Variants in APBA1 observed in about 807,000 individuals in gnomAD.
The protein encoded by APBA1 is amyloid-beta A4 precursor protein-binding family A member 1.
A neutral mutation model predicts 86.6 loss-of-function variants in APBA1; 55 were observed. The observed-to-expected ratio is 0.64, with a 90% CI of 0.51 to 0.80. The LOEUF is 0.80. Ranked by LOEUF, APBA1 falls within the 30% of genes least tolerant of loss-of-function variation. The pLI, the probability that APBA1 is intolerant of heterozygous loss-of-function variation, is 0.00. For missense variants in APBA1, 1,090 were observed against 1,183.0 expected, an observed-to-expected ratio of 0.92 and a Z score of 1.15; for synonymous variants, 511 against 493.9, an observed-to-expected ratio of 1.03 and a Z score of -0.46.
rs1287488708 is a variant in APBA1, at chr9:69,441,035, G to T, written c.2262C>A (p.Asp754Glu). 6.8e-6 allele frequency: 11 copies of T among 1,614,144 alleles called. No homozygotes were observed. The highest frequency in any genetic ancestry group is 9.3e-6 in the Non-Finnish European group (11 of 1,180,030). The change falls in exon 11 of 13, where the codon GAC (aspartate) becomes GAA (glutamate). Residue 754 changes from aspartate (D) to glutamate (E), a missense_variant. Transcript: ENST00000265381. ...PVTTVLIRRP[D>E]LRYQLGFSVQ... The stretch of plus-strand genomic sequence containing the variant: ...CGCTGAAACCGAGCTGGTAGCGAAG[G>T]TCTGGTCTTCTGATTAACACGGTGG...
intron 1 of APBA1, among the ~76,000 whole-genome samples, chr9:69,617,947 C>T (rs1822735094): frequency 1.4e-5 from 2 of 140,100 alleles, no homozygotes; most frequent in Middle Eastern, 7.3e-3. Flanking sequence ...GCTTCATCAT[C>T]AAGCTTAAAC....
intron 1 of APBA1, among the ~76,000 whole-genome samples, chr9:69,540,893 C>G (rs1836598296): frequency 6.6e-6 from 1 of 152,192 alleles, no homozygotes; most frequent in South Asian, 2.1e-4. Context: ...GCATGAGCCA[C>G]CACGCTCAGC....
Position 69,442,055 on chromosome 9 carries a change from C to T in APBA1, c.2182-940G>A, listed in dbSNP as rs140176651. Among the ~76,000 whole-genome samples, 114 of 152,340 alleles carry T rather than the reference C, an allele frequency of 7.5e-4. 2 individuals are homozygous for T. The East Asian group carries it at 0.019, about 26-fold the overall frequency. ...CTCTGCTGGGTGGTGGGAAGGTTTG[C>T]TCCTGCAGGCCTGACCACTGACTTG... On this transcript the variant is annotated intron_variant, in intron 10 of 12. Coordinates refer to ENST00000265381, the MANE Select transcript of APBA1 (RefSeq NM_001163.4).
At chr9:69,491,764 ATTTT>A (rs151248069) in intron 2 of APBA1, among the ~76,000 whole-genome samples, 10 of 132,402 alleles carry the variant, frequency 7.6e-5, no homozygotes, top group Non-Finnish European at 1.1e-4. Flanking sequence ...TATCCCTTGA[ATTTT>A]TTTTTTTTTT....
intron 5 of APBA1, among the ~76,000 whole-genome samples, chr9:69,465,950 C>A (rs950284006): frequency 6.6e-6 from 1 of 152,202 alleles, no homozygotes; most frequent in Non-Finnish European, 1.5e-5. Context: ...ACTAAAAGGT[C>A]CTGTCAGTAA....
At chr9:69,660,143 A>G (rs1823722043) in intron 1 of APBA1, among the ~76,000 whole-genome samples, 1 of 152,228 alleles carries the variant, frequency 6.6e-6, no homozygotes, top group Non-Finnish European at 1.5e-5. Context: ...AGAAATGTCA[A>G]TTTACATATG....
chr9:69,446,270 G>T (rs1342576219), intron 10 of APBA1, among the ~76,000 whole-genome samples: 1 of 152,022 alleles, frequency 6.6e-6, no homozygotes, highest in Non-Finnish European at 1.5e-5. Context: ...AGCCAGGGTG[G>T]TCCACGGACG....
At chr9:69,669,011 C>G (rs934305026) in intron 1 of APBA1, among the ~76,000 whole-genome samples, 1 of 152,168 alleles carries the variant, frequency 6.6e-6, no homozygotes, top group Non-Finnish European at 1.5e-5. Context: ...AACATATTTC[C>G]TCTTTTCTCC....
chr9:69,550,826 G>A (rs543006466), intron 1 of APBA1, among the ~76,000 whole-genome samples: 9 of 152,208 alleles, frequency 5.9e-5, no homozygotes, highest in African/African-American at 2.2e-4. Flanking sequence ...AAAGTCCTGA[G>A]GTGGGAGCAA....
chr9:69,668,134 TC>T (rs1823878056), intron 1 of APBA1, among the ~76,000 whole-genome samples: 1 of 152,210 alleles, frequency 6.6e-6, no homozygotes, highest in African/African-American at 2.4e-5. Flanking sequence ...TTCTTCATTT[TC>T]TTTATCAGTG....
rs76774175 is a variant in APBA1 at position 69,430,539 on chromosome 9, CTGTGTGTGTGTGTG to C, written c.*774_*787del. 1.3e-5 allele frequency: 2 copies of C among 149,490 alleles called. No individual in the cohort carries two copies. The highest frequency in any genetic ancestry group is 6.7e-5 in the Admixed American group (1 of 15,002). 9.3% of individuals were successfully genotyped at this position (149,490 alleles called of 1,614,324 possible). A position where few individuals can be genotyped will look rare whatever the true frequency, so the allele number is the denominator to read the frequency against. ...AGGGAAGGGTGATATGCAAATGGGA[CTGTGTGTGTGTGTG>C]TGTGTGTGAGAGAGAGAGAAGCAGA... On this transcript the variant is annotated 3_prime_UTR_variant, in exon 13 of 13. Transcript: ENST00000265381.
Position 69,468,671 on chromosome 9 carries a change from T to G in APBA1, c.1337-703A>C, listed in dbSNP as rs559328752. Among the ~76,000 whole-genome samples the G allele has an allele frequency of 1.1e-3, 172 of 152,328 alleles. 1 individual carries two copies. The highest frequency in any genetic ancestry group is 3.9e-3 in the African/African-American group (162 of 41,570). On this transcript the variant is annotated intron_variant, in intron 4 of 12. Transcript: ENST00000265381. ...TAGACAGATTCCAAGGAAAATCAAA[T>G]TTTCTGTTCTATTTTACCAGCCTTT...
intron 1 of APBA1, among the ~76,000 whole-genome samples, chr9:69,571,955 G>T (rs1354360795): frequency 1.3e-5 from 2 of 152,192 alleles, no homozygotes. Flanking sequence ...GGGATGTTCT[G>T]ATCAGAATCC....
chr9:69,653,799 C>T (rs893382084), intron 1 of APBA1, among the ~76,000 whole-genome samples: 4 of 152,106 alleles, frequency 2.6e-5, no homozygotes, highest in Non-Finnish European at 4.4e-5. Context: ...CGGGATACAG[C>T]AAAAGCAGTT....
rs974883155 is a variant in APBA1 at position 69,672,285 on chromosome 9, T to TGCC, written c.-205_-203dup. ...CGCCACCATCTTCTCCCGCCGCAGC[T>TGCC]GCCGCCGCCGCCGCCGCCGCCGGGA... On this transcript the variant is annotated 5_prime_UTR_variant, in exon 1 of 13. Transcript: ENST00000265381. The TGCC allele has an allele frequency of 5.4e-4, 95 of 175,508 alleles. No homozygotes were observed. Among genetic ancestry groups the TGCC allele is most frequent in the African/African-American group, 7.7e-4 (32 of 41,714 alleles). The allele number at this position is 175,508 out of a possible 1,614,324, so 10.9% of individuals were successfully genotyped here. A position where few individuals can be genotyped will look rare whatever the true frequency, so the allele number is the denominator to read the frequency against.
chr9:69,494,203 G>A (rs1454359848), intron 2 of APBA1: 2 of 151,992 alleles, frequency 1.3e-5, no homozygotes, highest in African/African-American at 2.4e-5. Context: ...TATTTATAAT[G>A]GATTCAAGTA....
chr9:69,626,506 A>C (rs893664173), intron 1 of APBA1, among the ~76,000 whole-genome samples: 1 of 152,198 alleles, frequency 6.6e-6, no homozygotes, highest in African/African-American at 2.4e-5. Flanking sequence ...TCACATACTC[A>C]TCGTGTGTAT....
At chr9:69,440,903 T>C in intron 11 of APBA1, 93 bp downstream of exon 11, 1 of 1,477,422 alleles carries the variant, frequency 6.8e-7, no homozygotes, top group Non-Finnish European at 9.2e-7. Flanking sequence ...CTGGAGCTGT[T>C]CCTATTTAGC....
At chr9:69,533,663 G>C (rs13286400) in intron 1 of APBA1, among the ~76,000 whole-genome samples, 55,791 of 152,014 alleles carry the variant, frequency 0.37, 12,000 homozygotes, top group Non-Finnish European at 0.47. Flanking sequence ...GTGGTAAAAA[G>C]GACTCTAAGA....
Sources: allele counts gnomAD v4.1 joint callset (sites outside exome capture counted in the v4.1 genomes callset), GRCh38; gene constraint gnomAD v4.1.1; transcripts MANE v1.5; gene names NCBI Gene and HGNC (gene_info 2026-07-23, HGNC 2026-07-21).